The following BCLAF1 variants were observed in gnomAD, a reference collection of about 807,000 sequenced individuals.
BCLAF1 encodes the protein BCL2 associated transcription factor 1.
BCLAF1 carries 10 observed loss-of-function variants against 99.5 expected under a neutral mutation model. The observed-to-expected ratio is 0.10, with a 90% CI of 0.06 to 0.17. The LOEUF (loss-of-function observed/expected upper bound fraction) is 0.17, where lower values mean the gene tolerates loss of function less well. Ranked by LOEUF, BCLAF1 falls within the 10% of genes least tolerant of loss-of-function variation. The pLI, the probability that BCLAF1 is intolerant of heterozygous loss-of-function variation, is 1.00. For synonymous variants in BCLAF1, 255 were observed against 370.9 expected, an observed-to-expected ratio of 0.69 and a Z score of 3.59; for missense variants, 636 against 1,105.8, an observed-to-expected ratio of 0.58 and a Z score of 6.02.
intron 11 of BCLAF1, among the ~76,000 whole-genome samples, chr6:136,264,449 C>T (rs894344209): frequency 6.6e-6 from 1 of 152,160 alleles, no homozygotes; most frequent in African/African-American, 2.4e-5. Flanking sequence ...TCATGATCCA[C>T]CTGTCTCAGC....
At chr6:136,280,830 A>G (rs564601557) in intron 2 of BCLAF1, among the ~76,000 whole-genome samples, 14 of 152,270 alleles carry the variant, frequency 9.2e-5, no homozygotes, top group African/African-American at 3.4e-4. Context: ...TTAGCCTCTC[A>G]AGCTTGTTTT....
Position 136,280,140 on chromosome 6 carries a change from G to A in BCLAF1, c.-10-264C>T, listed in dbSNP as rs116458391. Among the ~76,000 whole-genome samples, 1,084 of 152,204 alleles carry A rather than the reference G, an allele frequency of 7.1e-3. 13 individuals are homozygous for A. Among genetic ancestry groups the A allele is most frequent in the African/African-American group, 0.024 (1,007 of 41,518 alleles). On this transcript the variant is annotated intron_variant, in intron 2 of 12. Coordinates refer to ENST00000531224, the MANE Select transcript of BCLAF1 (RefSeq NM_014739.3). The stretch of plus-strand genomic sequence containing the variant: ...CACTTATGAGCCTCAATCCTAAAAG[G>A]CAGCAGCTGCAGAAGCCAGAAAAAG...
rs1271039348 is a variant in BCLAF1, at chr6:136,256,629, G to C, written c.*4481C>G. ...GGAGGCGGAGGTTGCAGTGAGCCGA[G>C]CTCGAGCCACTGCACTCTAGTCTGG... On this transcript the variant is annotated 3_prime_UTR_variant, in exon 13 of 13. Coordinates refer to ENST00000531224, the MANE Select transcript of BCLAF1 (RefSeq NM_014739.3). 1.3e-5 allele frequency: 2 copies of C among 156,100 alleles called. No individual in the cohort carries two copies. The highest frequency in any genetic ancestry group is 2.8e-5 in the Non-Finnish European group (2 of 71,656). 9.7% of individuals were successfully genotyped at this position (156,100 alleles called of 1,614,324 possible).
chr6:136,266,957 A>T lies in BCLAF1; in HGVS notation c.2544+72T>A, dbSNP rs142314074. The T allele has an allele frequency of 7.9e-6, 12 of 1,522,678 alleles. No individual in the cohort carries two copies. In the African/African-American group the frequency reaches 1.2e-4, roughly 16 times the overall value. 94.3% of individuals were successfully genotyped at this position (1,522,678 alleles called of 1,614,324 possible). A position where few individuals can be genotyped will look rare whatever the true frequency, so the allele number is the denominator to read the frequency against. On this transcript the variant is annotated intron_variant, in intron 11 of 12. Coordinates refer to ENST00000531224, the MANE Select transcript of BCLAF1 (RefSeq NM_014739.3). ...TCTTCTTATAGTAGTGGTTATCTGT[A>T]CTCAAATTTATTCACCTAGTATGCT...
At chr6:136,262,403 T>A (rs1306205329) in intron 11 of BCLAF1, among the ~76,000 whole-genome samples, 12 of 152,162 alleles carry the variant, frequency 7.9e-5, no homozygotes, top group African/African-American at 2.9e-4. Context: ...GTACCAGTAG[T>A]GAGCAACCAT....
chr6:136,263,113 A>C (rs750148544), intron 11 of BCLAF1, among the ~76,000 whole-genome samples: 39 of 152,136 alleles, frequency 2.6e-4, no homozygotes, highest in Non-Finnish European at 4.7e-4. Flanking sequence ...TCCTCACAAC[A>C]ACCCTCTAAG....
Position 136,261,033 on chromosome 6 carries a change from C to T in BCLAF1, c.*77G>A, listed in dbSNP as rs111572965. On this transcript the variant is annotated 3_prime_UTR_variant, in exon 13 of 13. Coordinates refer to ENST00000531224, the MANE Select transcript of BCLAF1 (RefSeq NM_014739.3). The stretch of plus-strand genomic sequence containing the variant: ...AAAATTTAAGTAAAATGCTTACATT[C>T]TTATTTGAAAACAAAAATCAGGTAA... 1.4e-6 allele frequency: 2 copies of T among 1,437,288 alleles called. No individual in the cohort carries two copies. The highest frequency in any genetic ancestry group is 1.9e-6 in the Non-Finnish European group (2 of 1,064,028). 89.0% of individuals were successfully genotyped at this position (1,437,288 alleles called of 1,614,324 possible).
At chr6:136,261,537 C>T (rs2128464851) in intron 11 of BCLAF1, 60 bp from the exon 12 acceptor site, 1 of 1,498,986 alleles carries the variant, frequency 6.7e-7, no homozygotes, top group East Asian at 2.3e-5. Context: ...GATCATTTCT[C>T]CAATCATAAA....
At chr6:136,267,270 C>A in intron 10 of BCLAF1, 95 bp from the exon 11 acceptor site, 1 of 1,330,436 alleles carries the variant, frequency 7.5e-7, no homozygotes, top group Non-Finnish European at 1.0e-6. Context: ...AAAACATATG[C>A]CCTAATTTCC....
intron 1 of BCLAF1, among the ~76,000 whole-genome samples, chr6:136,289,425 TATGCGC>T (rs965769356): frequency 6.6e-6 from 1 of 152,014 alleles, no homozygotes; most frequent in African/African-American, 2.4e-5. Flanking sequence ...AAGAGGAAGA[TATGCGC>T]ACGCGCACGG....
At chr6:136,264,424 C>A (rs1781448902) in intron 11 of BCLAF1, among the ~76,000 whole-genome samples, 1 of 152,110 alleles carries the variant, frequency 6.6e-6, no homozygotes, top group South Asian at 2.1e-4. Context: ...CCAGGCTGTT[C>A]TTGAACTCCT....
intron 11 of BCLAF1, among the ~76,000 whole-genome samples, chr6:136,265,155 T>G (rs1261849639): frequency 1.3e-5 from 2 of 152,162 alleles, no homozygotes; most frequent in Non-Finnish European, 2.9e-5. Flanking sequence ...GCATTTTTAC[T>G]CTCTCTCACT....
At chr6:136,286,492 CTTAGT>C (rs768950114) in intron 1 of BCLAF1, among the ~76,000 whole-genome samples, 5 of 152,182 alleles carry the variant, frequency 3.3e-5, no homozygotes, top group South Asian at 2.1e-4. Context: ...ATGTAAACAG[CTTAGT>C]TTAATGTTTG....
intron 9 of BCLAF1, 26 bp downstream of exon 9, chr6:136,269,411 C>G (rs1055339112): frequency 2.5e-6 from 4 of 1,591,368 alleles, no homozygotes; most frequent in Non-Finnish European, 3.4e-6. Context: ...AAGCTAAAAC[C>G]TATCTTAGTC....
intron 1 of BCLAF1, among the ~76,000 whole-genome samples, chr6:136,283,842 C>T (rs1784704573): frequency 6.6e-6 from 1 of 151,904 alleles, no homozygotes; most frequent in East Asian, 1.9e-4. Context: ...AAGGGAAACA[C>T]TAAAAAAGTA....
chr6:136,263,942 A>G (rs544725934), intron 11 of BCLAF1, among the ~76,000 whole-genome samples: 2 of 152,234 alleles, frequency 1.3e-5, no homozygotes, highest in East Asian at 1.9e-4. Context: ...AAAGATTACT[A>G]TAACTCAGTA....
intron 1 of BCLAF1, among the ~76,000 whole-genome samples, chr6:136,286,272 CT>C (rs1785117509): frequency 6.6e-6 from 1 of 152,184 alleles, no homozygotes; most frequent in Non-Finnish European, 1.5e-5. Context: ...CTATTTCCAT[CT>C]TTTCAAATCC....
rs1395204854 is a variant in BCLAF1 at position 136,267,031 on chromosome 6, A to G, written c.2542T>C (p.Leu848=). The G allele has an allele frequency of 1.2e-6, 2 of 1,612,742 alleles. No homozygotes were observed. The highest frequency in any genetic ancestry group is 2.2e-5 in the East Asian group (1 of 44,834). Residue 848 remains leucine (L), a splice_region_variant and synonymous_variant, in exon 11 of 13, where the codon TTG becomes CTG. Transcript: ENST00000531224. Reference sequence around the variant, plus strand: ...AAACACAGATGTCTAACACCCACCAAGAAGTACTTCTTGCTCTTTGGGGTA... The same window carrying G: ...AAACACAGATGTCTAACACCCACCAGGAAGTACTTCTTGCTCTTTGGGGTA... ...EYTPKSKKYF[L]HDDRDDGVDY...
At chr6:136,273,516 G>C (rs537539661) in intron 6 of BCLAF1, 1 of 189,054 alleles carries the variant, frequency 5.3e-6, no homozygotes, top group African/African-American at 2.4e-5. Context: ...CTAATACCTT[G>C]CCAATATGAA....
Sources: gnomAD v4.1 joint callset for allele counts (sites outside exome capture counted in the v4.1 genomes callset) on GRCh38, gnomAD v4.1.1 for gene constraint, MANE v1.5 for transcripts, NCBI Gene and HGNC (gene_info 2026-07-23, HGNC 2026-07-21) for gene names.